CFAP74: variants seen among roughly 807,000 people sequenced by gnomAD.
CFAP74 encodes cilia- and flagella-associated protein 74.
Under a neutral mutation model 188.9 loss-of-function variants are expected in CFAP74, and 124 were observed. The observed-to-expected ratio is 0.66, with a 90% CI of 0.57 to 0.76. CFAP74 has a LOEUF of 0.76. Ranked by LOEUF, CFAP74 falls within the 30% of genes least tolerant of loss-of-function variation. CFAP74 has a pLI of 0.00. For synonymous variants in CFAP74, 956 were observed against 916.7 expected (o/e 1.04, Z -0.77); for missense variants, 2,198 against 2,165.2 (o/e 1.02, Z -0.30).
intron 9 of CFAP74, 63 bp downstream of exon 9, chr1:1,971,917 G>T: frequency 1.5e-6 from 2 of 1,294,720 alleles, no homozygotes; most frequent in East Asian, 2.3e-5. Context: ...AAGGAGCAGG[G>T]GCCCAGGGAC....
At chr1:1,982,826 T>C (rs4648745) in intron 6 of CFAP74, among the ~76,000 whole-genome samples, 46,368 of 152,082 alleles carry the variant, frequency 0.3, 7,328 homozygotes, top group Non-Finnish European at 0.34. Context: ...AATAGACCTG[T>C]GGCTTTGGTT....
At chr1:1,936,862 C>T (rs1285529286) in intron 25 of CFAP74, among the ~76,000 whole-genome samples, 1 of 150,676 alleles carries the variant, frequency 6.6e-6, no homozygotes, top group African/African-American at 2.4e-5. Flanking sequence ...GCCGTGATTG[C>T]ACCCCTTGCA....
intron 1 of CFAP74, among the ~76,000 whole-genome samples, chr1:1,993,214 A>G (rs1328966864): frequency 2.4e-4 from 36 of 151,662 alleles, no homozygotes; most frequent in Non-Finnish European, 5.0e-4. Context: ...AAAAAAAAAA[A>G]AAAAGAAACA....
rs1277986297 is a variant in CFAP74 at position 1,923,674 on chromosome 1, G to A, written c.4389+101C>T. On this transcript the variant is annotated intron_variant, in intron 35 of 38. Coordinates refer to ENST00000682832, the MANE Select transcript of CFAP74 (RefSeq NM_001304360.2). The surrounding 1 kb of genome is among the most constrained non-coding windows in gnomAD (Gnocchi z 6.3). The stretch of plus-strand genomic sequence containing the variant: ...GTGTGGTGCTGAGTCCCCCAGCCAT[G>A]GTACCCTCAGGGCCTCCAAAGTGGA... 1.9e-6 allele frequency: 3 copies of A among 1,567,404 alleles called. No individual in the cohort carries two copies. The highest frequency in any genetic ancestry group is 2.6e-6 in the Non-Finnish European group (3 of 1,142,960).
At chr1:1,929,338 G>A (rs1272927110) in intron 26 of CFAP74, among the ~76,000 whole-genome samples, 9 of 3,832 alleles carry the variant, frequency 2.3e-3, no homozygotes, top group Non-Finnish European at 3.0e-3. Context: ...GCAGTGTGCA[G>A]TATGGGGTTG....
In CFAP74 at chr1:1,979,765, C is replaced by T. The variant is rs1485539913; in HGVS notation, c.501-5567G>A. On this transcript the variant is annotated intron_variant, in intron 6 of 38. Transcript: ENST00000682832. The stretch of plus-strand genomic sequence containing the variant: ...ACGTGACGAGGCTGTGCAGAACACG[C>T]GTGTGGTACTGACCTGGGTGTGGGA... Among the ~76,000 whole-genome samples the T allele has an allele frequency of 3.3e-5, 4 of 123,016 alleles. 1 individual carries two copies. The highest frequency in any genetic ancestry group is 6.1e-5 in the African/African-American group (2 of 32,842). 80.7% of individuals were successfully genotyped at this position (123,016 alleles called of 152,430 possible).
At chr1:1,988,450 C>A in intron 4 of CFAP74, 62 bp downstream of exon 4, 1 of 1,594,330 alleles carries the variant, frequency 6.3e-7, no homozygotes, top group Non-Finnish European at 8.5e-7. Flanking sequence ...CCCTGCTGCA[C>A]CCATGTCACG....
At chr1:1,954,914 G>GC in intron 18 of CFAP74, 1 of 1,173,874 alleles carries the variant, frequency 8.5e-7, no homozygotes, top group South Asian at 1.6e-5. Flanking sequence ...AACGGCCTTC[G>GC]CAACAGTGTG....
At chr1:1,994,567 T>C (rs1306493576) in intron 1 of CFAP74, among the ~76,000 whole-genome samples, 1 of 152,224 alleles carries the variant, frequency 6.6e-6, no homozygotes, top group Non-Finnish European at 1.5e-5. Context: ...CTGATTAAGC[T>C]GCTAGTCTTT....
intron 9 of CFAP74, among the ~76,000 whole-genome samples, chr1:1,971,054 CAT>C (rs1225450213): frequency 4.0e-5 from 6 of 149,686 alleles, no homozygotes; most frequent in East Asian, 2.0e-4. Context: ...CGTGCACACA[CAT>C]GCTCACACAC....
At chr1:1,930,524 T>C (rs1652293247) in intron 25 of CFAP74, among the ~76,000 whole-genome samples, 188 bp from the exon 26 acceptor site, 1 of 152,130 alleles carries the variant, frequency 6.6e-6, no homozygotes, top group African/African-American at 2.4e-5. Flanking sequence ...TTGTGCACAT[T>C]TGAGGTGGGT....
intron 11 of CFAP74, among the ~76,000 whole-genome samples, chr1:1,966,769 G>A (rs1655503383): frequency 1.3e-5 from 2 of 151,756 alleles, no homozygotes; most frequent in Admixed American, 1.3e-4. Flanking sequence ...TATTTCCTTT[G>A]ATAGGAAAAT....
chr1:1,946,787 C>T (rs1000256981), intron 19 of CFAP74, among the ~76,000 whole-genome samples: 4 of 152,220 alleles, frequency 2.6e-5, no homozygotes, highest in South Asian at 2.1e-4. Context: ...CCTGCACAGC[C>T]GGAGGCGGTG....
At chr1:1,922,748 G>T (rs749379901) in intron 37 of CFAP74, 25 bp from the exon 38 acceptor site, 13 of 1,595,652 alleles carry the variant, frequency 8.1e-6, no homozygotes, top group Non-Finnish European at 1.1e-5. Context: ...GCTCCTGTAG[G>T]CTGGCGACCA....
chr1:1,974,258 T>G, intron 6 of CFAP74, 60 bp from the exon 7 acceptor site: 3 of 1,499,026 alleles, frequency 2.0e-6, no homozygotes, highest in Non-Finnish European at 2.7e-6. Context: ...GGGTGGGGGT[T>G]TCGGCATTGA....
chr1:1,931,047 G>A (rs963152228), intron 25 of CFAP74, among the ~76,000 whole-genome samples: 44 of 152,100 alleles, frequency 2.9e-4, no homozygotes, highest in African/African-American at 1.0e-3. Context: ...TATCACATTT[G>A]TCGGTAACAG....
intron 18 of CFAP74, among the ~76,000 whole-genome samples, chr1:1,947,924 G>A (rs556963677): frequency 3.5e-4 from 54 of 152,262 alleles, no homozygotes; most frequent in Non-Finnish European, 6.9e-4. Context: ...CCAGGCTGGA[G>A]TACAATGGTG....
At chr1:1,970,988 G>GCA (rs138859689) in intron 9 of CFAP74, among the ~76,000 whole-genome samples, 172 bp from the exon 10 acceptor site, 7 of 147,814 alleles carry the variant, frequency 4.7e-5, no homozygotes, top group Non-Finnish European at 7.4e-5. Context: ...GCACACACGT[G>GCA]CACACACACA....
chr1:1,938,622 GACAC>G (rs961425772), intron 25 of CFAP74, among the ~76,000 whole-genome samples: 2 of 151,952 alleles, frequency 1.3e-5, no homozygotes, highest in Non-Finnish European at 2.9e-5. Context: ...ACACACCCAC[GACAC>G]ACACAAACAC....
Sources: allele counts gnomAD v4.1 joint callset (sites outside exome capture counted in the v4.1 genomes callset), GRCh38; gene constraint gnomAD v4.1.1; non-coding constraint Gnocchi (gnomAD v3.1); transcripts MANE v1.5; gene names NCBI Gene and HGNC (gene_info 2026-07-23, HGNC 2026-07-21).